The following DMD variants were observed in gnomAD, a reference collection of about 807,000 sequenced individuals.
DMD encodes the protein dystrophin, also known as mutant dystrophin.
Under a neutral mutation model 330.1 loss-of-function variants are expected in DMD, and 63 were observed. The observed-to-expected ratio is 0.19, with a 90% CI of 0.16 to 0.24. The LOEUF (loss-of-function observed/expected upper bound fraction) is 0.24, where lower values mean the gene tolerates loss of function less well. Among genes scored for constraint, DMD ranks in the 10% least tolerant of loss-of-function variants. The pLI, the probability that DMD is intolerant of heterozygous loss-of-function variation, is 1.00. For missense variants in DMD, 3,344 were observed against 2,684.1 expected (o/e 1.25, Z -5.43); for synonymous variants, 1,223 against 959.8 (o/e 1.27, Z -5.07).
intron 2 of DMD, among the ~76,000 whole-genome samples, chrX:32,881,915 C>T (rs191591212): frequency 8.9e-6 from 1 of 111,749 alleles, no homozygotes; most frequent in East Asian, 2.8e-4. Context: ...AGGGAGACTG[C>T]AAGCCTGGAG....
At position 32,636,944 on chromosome X, in the gene DMD, G is replaced by A. The variant is rs763379092; in HGVS notation, c.1331+7188C>T. Among the ~76,000 whole-genome samples, 13 of 109,901 alleles carry A rather than the reference G, an allele frequency of 1.2e-4. No homozygotes were observed. In the South Asian group the frequency reaches 2.4e-3, roughly 20 times the overall value. ...ACCCGGGGGGCGGAGCTTGCAGTGA[G>A]CCGAGATAGCGCCACTGCACTCCAG... On this transcript the variant is annotated intron_variant, in intron 11 of 78. Coordinates refer to ENST00000357033, the MANE Select transcript of DMD (RefSeq NM_004006.3).
chrX:32,277,287 A>T (rs186318561), intron 43 of DMD, among the ~76,000 whole-genome samples: 2 of 111,822 alleles, frequency 1.8e-5, no homozygotes, highest in Non-Finnish European at 3.8e-5. Flanking sequence ...TAAAGCAAAT[A>T]TATATACAAC....
At chrX:32,772,020 CA>C (rs1438865441) in intron 7 of DMD, among the ~76,000 whole-genome samples, 2 of 111,909 alleles carry the variant, frequency 1.8e-5, no homozygotes, top group African/African-American at 6.5e-5. Context: ...TAGAAGGAAA[CA>C]CCTGAAACCG....
intron 60 of DMD, among the ~76,000 whole-genome samples, chrX:31,353,480 A>G (rs1052933553): frequency 8.9e-6 from 1 of 112,008 alleles, no homozygotes; most frequent in Non-Finnish European, 1.9e-5. Flanking sequence ...ATTGTATTCA[A>G]TGTAAAAGAA....
At chrX:31,611,724 T>C (rs752158164) in intron 55 of DMD, among the ~76,000 whole-genome samples, 13 of 111,021 alleles carry the variant, frequency 1.2e-4, no homozygotes, top group Non-Finnish European at 2.1e-4. Context: ...CCACACCCAG[T>C]TAATTTTTGA....
At chrX:32,709,083 A>G (rs1348421929) in intron 7 of DMD, among the ~76,000 whole-genome samples, 2 of 111,591 alleles carry the variant, frequency 1.8e-5, no homozygotes, top group Admixed American at 9.5e-5. Flanking sequence ...ACAAAGATAC[A>G]TTTTCCTTTT....
intron 1 of DMD, among the ~76,000 whole-genome samples, chrX:33,048,694 TA>T (rs748856962): frequency 7.4e-3 from 264 of 35,598 alleles, no homozygotes; most frequent in African/African-American, 0.03. Context: ...ACTCCCCATC[TA>T]AAAAAAAAAA....
chrX:32,117,710 C>T (rs915681291), intron 44 of DMD, among the ~76,000 whole-genome samples: 7 of 112,158 alleles, frequency 6.2e-5, no homozygotes, highest in African/African-American at 9.7e-5. Flanking sequence ...TTTGTACTCT[C>T]CCAAATCAGA....
intron 37 of DMD, among the ~76,000 whole-genome samples, chrX:32,357,645 C>T (rs1444921017): frequency 1.2e-5 from 1 of 84,074 alleles, no homozygotes; most frequent in Non-Finnish European, 2.2e-5. Flanking sequence ...AATTTCTCAA[C>T]AGTGCATACA....
chrX:32,299,043 G>C (rs1392842632), intron 42 of DMD, among the ~76,000 whole-genome samples: 1 of 110,193 alleles, frequency 9.1e-6, no homozygotes, highest in Non-Finnish European at 1.9e-5. Context: ...TATTTAACTA[G>C]ATAGAAATAT....
intron 13 of DMD, among the ~76,000 whole-genome samples, chrX:32,587,472 A>G (rs1189808081): frequency 8.9e-6 from 1 of 112,101 alleles, no homozygotes; most frequent in Non-Finnish European, 1.9e-5. Flanking sequence ...TGACTTCTTT[A>G]TATTTTGCCA....
intron 55 of DMD, among the ~76,000 whole-genome samples, chrX:31,599,493 A>G (rs1242459691): frequency 8.9e-6 from 1 of 112,318 alleles, no homozygotes; most frequent in African/African-American, 3.2e-5. Context: ...AGGAACTATT[A>G]AGATAGAAGA....
chrX:32,015,652 AT>A (rs2095755109), intron 44 of DMD, among the ~76,000 whole-genome samples: 1 of 111,859 alleles, frequency 8.9e-6, no homozygotes, highest in South Asian at 3.7e-4. Flanking sequence ...CTTTCAAGAC[AT>A]TTTCACCACT....
chrX:32,285,724 G>A (rs11795887), intron 43 of DMD, among the ~76,000 whole-genome samples: 14,930 of 110,246 alleles, frequency 0.14, 1,001 homozygotes, highest in Admixed American at 0.26. Context: ...TGTTTGAGAC[G>A]GAGCCTTGCT....
At chrX:32,160,436 C>T (rs766978124) in intron 44 of DMD, among the ~76,000 whole-genome samples, 4 of 109,687 alleles carry the variant, frequency 3.6e-5, no homozygotes, top group Non-Finnish European at 5.7e-5. Flanking sequence ...GGTTTTACCA[C>T]GTTGGCCAGG....
At chrX:31,920,743 G>A (rs2094679668) in intron 47 of DMD, among the ~76,000 whole-genome samples, 1 of 111,767 alleles carries the variant, frequency 8.9e-6, no homozygotes. Flanking sequence ...CATGAACGGG[G>A]AGGAGAGATT....
rs1020185136 is a variant in DMD at position 32,937,633 on chromosome X, T to A, written c.93+82506A>T. Among the ~76,000 whole-genome samples the A allele has an allele frequency of 2.8e-5, 3 of 107,566 alleles. No homozygotes were observed. The Admixed American group carries it at 3.1e-4, about 11-fold the overall frequency. The allele number at this position is 107,566 out of a possible 115,157, so 93.4% of individuals were successfully genotyped here. A position where few individuals can be genotyped will look rare whatever the true frequency, so the allele number is the denominator to read the frequency against. Reference sequence around the variant, plus strand: ...AGTCCTGGAGCCTAGACAGAGACATTGGATGAGTAGACGAATGGAGGTACA... The same window carrying A: ...AGTCCTGGAGCCTAGACAGAGACATAGGATGAGTAGACGAATGGAGGTACA... On this transcript the variant is annotated intron_variant, in intron 2 of 78. Transcript: ENST00000357033.
At chrX:31,610,573 C>T (rs1028105767) in intron 55 of DMD, among the ~76,000 whole-genome samples, 3 of 111,840 alleles carry the variant, frequency 2.7e-5, no homozygotes, top group Non-Finnish European at 5.6e-5. Flanking sequence ...TCTTGATTAA[C>T]TTTACTTTTG....
chrX:33,222,685 A>G (rs1325869247), intron 1 of DMD, among the ~76,000 whole-genome samples: 2 of 112,282 alleles, frequency 1.8e-5, no homozygotes, highest in African/African-American at 6.5e-5. Flanking sequence ...AAGTGAATTC[A>G]TCAAGGTAGC....
Sources: gnomAD v4.1 joint callset for allele counts (sites outside exome capture counted in the v4.1 genomes callset) on GRCh38, gnomAD v4.1.1 for gene constraint, MANE v1.5 for transcripts, NCBI Gene and HGNC (gene_info 2026-07-23, HGNC 2026-07-21) for gene names.